Variants in TTLL11 observed in about 807,000 individuals in gnomAD.
TTLL11 encodes tubulin tyrosine ligase like 11, also known as tubulin polyglutamylase TTLL11.
TTLL11 carries 42 observed loss-of-function variants against 51.7 expected under a neutral mutation model. The observed-to-expected ratio is 0.81, with a 90% CI of 0.64 to 1.05. TTLL11 has a LOEUF of 1.05. Ranked by LOEUF, TTLL11 falls within the 50% of genes least tolerant of loss-of-function variation. TTLL11 has a pLI of 0.00. For missense variants in TTLL11, 799 were observed against 940.4 expected, an observed-to-expected ratio of 0.85 and a Z score of 1.97; for synonymous variants, 381 against 383.5, an observed-to-expected ratio of 0.99 and a Z score of 0.08.
chr9:122,083,539 C>T (rs935739596), intron 1 of TTLL11, among the ~76,000 whole-genome samples: 5 of 152,180 alleles, frequency 3.3e-5, no homozygotes, highest in Non-Finnish European at 7.4e-5. Context: ...GGGCCAGGCA[C>T]GGTGGCTCAC....
chr9:121,923,253 G>C (rs1325239636), intron 6 of TTLL11, among the ~76,000 whole-genome samples: 1 of 152,142 alleles, frequency 6.6e-6, no homozygotes, highest in African/African-American at 2.4e-5. Flanking sequence ...TATTCACTAA[G>C]ATGATTATGA....
intron 1 of TTLL11, among the ~76,000 whole-genome samples, chr9:122,041,204 C>A (rs1844836910): frequency 6.6e-6 from 1 of 152,114 alleles, no homozygotes; most frequent in Admixed American, 6.6e-5. Flanking sequence ...TTATTATATG[C>A]CAGACTAGGT....
chr9:122,091,974 G>A (rs1417349600), intron 1 of TTLL11, among the ~76,000 whole-genome samples: 2 of 152,194 alleles, frequency 1.3e-5, no homozygotes, highest in African/African-American at 4.8e-5. Flanking sequence ...TACAGTGCCT[G>A]ATTTTATACC....
At chr9:121,969,716 A>G (rs1483195089) in intron 6 of TTLL11, among the ~76,000 whole-genome samples, 1 of 152,220 alleles carries the variant, frequency 6.6e-6, no homozygotes. Flanking sequence ...ATTCTGTGCA[A>G]ACGCTAGAAA....
At chr9:121,867,410 G>C (rs1305928393) in intron 7 of TTLL11, among the ~76,000 whole-genome samples, 1 of 152,086 alleles carries the variant, frequency 6.6e-6, no homozygotes, top group Admixed American at 6.6e-5. Context: ...CTCTGTGATA[G>C]CTGATGCTTC....
chr9:122,022,324 T>C (rs1844205835), intron 3 of TTLL11, among the ~76,000 whole-genome samples: 1 of 151,738 alleles, frequency 6.6e-6, no homozygotes, highest in Non-Finnish European at 1.5e-5. Flanking sequence ...GAAAATTACA[T>C]CAAGACACAT....
At chr9:121,867,601 A>T (rs1259688776) in intron 7 of TTLL11, among the ~76,000 whole-genome samples, 1 of 152,166 alleles carries the variant, frequency 6.6e-6, no homozygotes, top group Non-Finnish European at 1.5e-5. Flanking sequence ...CTAACTTCTA[A>T]ATTTGGGCTA....
intron 1 of TTLL11, among the ~76,000 whole-genome samples, chr9:122,057,910 C>T (rs1196285867): frequency 6.6e-6 from 1 of 152,198 alleles, no homozygotes; most frequent in Non-Finnish European, 1.5e-5. Flanking sequence ...TATGCATCAA[C>T]TCAGTGTCAG....
chr9:122,067,410 A>T (rs910679882), intron 1 of TTLL11, among the ~76,000 whole-genome samples: 3 of 152,222 alleles, frequency 2.0e-5, no homozygotes, highest in Admixed American at 6.5e-5. Context: ...GGGAAGATAA[A>T]CTAAGAGTAG....
At chr9:122,053,319 C>T (rs370021310) in intron 1 of TTLL11, among the ~76,000 whole-genome samples, 1 of 152,030 alleles carries the variant, frequency 6.6e-6, no homozygotes, top group African/African-American at 2.4e-5. Flanking sequence ...TGGAGCGGGG[C>T]GTGAAGTAGG....
Position 121,851,066 on chromosome 9 carries a change from T to C in TTLL11, c.1840+9271A>G, listed in dbSNP as rs529628085. Among the ~76,000 whole-genome samples, 18 of 152,260 alleles carry C rather than the reference T, an allele frequency of 1.2e-4. 2 individuals carry two copies. In the South Asian group the frequency reaches 3.7e-3, roughly 32 times the overall value. ...GACATGGAGAAACCTTAAATGCATA[T>C]TGTTAAGTGAAAAGAGCCAGTCTGA... On this transcript the variant is annotated intron_variant, in intron 8 of 8. Coordinates refer to ENST00000321582, the MANE Select transcript of TTLL11 (RefSeq NM_001139442.2).
Position 121,822,399 on chromosome 9 carries a change from G to T in TTLL11, c.*188C>A. On this transcript the variant is annotated 3_prime_UTR_variant, in exon 9 of 9. Coordinates refer to ENST00000321582, the MANE Select transcript of TTLL11 (RefSeq NM_001139442.2). The surrounding 1 kb of genome is among the most constrained non-coding windows in gnomAD (Gnocchi z 5.8). Reference sequence around the variant, plus strand: ...AGGGTGTATCACCAGGAGGTGTGAGGAGGAAGGCAGGTGAGAACCAGCCAG... The same window carrying T: ...AGGGTGTATCACCAGGAGGTGTGAGTAGGAAGGCAGGTGAGAACCAGCCAG... 1 of 479,438 alleles carries T rather than the reference G, an allele frequency of 2.1e-6. No homozygotes were observed. The allele number at this position is 479,438 out of a possible 1,614,324, so 29.7% of individuals were successfully genotyped here. A position where few individuals can be genotyped will look rare whatever the true frequency, so the allele number is the denominator to read the frequency against.
Position 121,819,623 on chromosome 9 carries a change from C to T in TTLL11, c.*2964G>A, listed in dbSNP as rs536458672. 3.3e-5 allele frequency among the ~76,000 whole-genome samples: 5 copies of T among 152,136 alleles called. No homozygotes were observed. The highest frequency in any genetic ancestry group is 7.2e-5 in the African/African-American group (3 of 41,508). On this transcript the variant is annotated 3_prime_UTR_variant, in exon 9 of 9. Coordinates refer to ENST00000321582, the MANE Select transcript of TTLL11 (RefSeq NM_001139442.2). ...GGAGGAGCGGGAAGGGGCAAGAGAG[C>T]GGGAGGGAGAAGACGCTGGAGATGG...
At chr9:121,964,968 A>G (rs892149032) in intron 6 of TTLL11, among the ~76,000 whole-genome samples, 3 of 152,126 alleles carry the variant, frequency 2.0e-5, no homozygotes, top group Non-Finnish European at 2.9e-5. Flanking sequence ...TGCCACCCCT[A>G]CTGGCTGGCG....
In TTLL11 at chr9:122,058,944, C is replaced by T. The variant is rs530183350; in HGVS notation, c.463-19576G>A. On this transcript the variant is annotated intron_variant, in intron 1 of 8. Coordinates refer to ENST00000321582, the MANE Select transcript of TTLL11 (RefSeq NM_001139442.2). ...AGTGTGTGTCACCCTGATCAGCTGG[C>T]GTGGTCTATTAAGGCAGAGCTAGGC... Among the ~76,000 whole-genome samples, 7 of 152,128 alleles carry T rather than the reference C, an allele frequency of 4.6e-5. No homozygotes were observed. The South Asian group carries it at 8.3e-4, about 18-fold the overall frequency.
intron 8 of TTLL11, among the ~76,000 whole-genome samples, chr9:121,846,269 G>A (rs1204737289): frequency 6.6e-6 from 1 of 152,120 alleles, no homozygotes; most frequent in Non-Finnish European, 1.5e-5. Context: ...ACAATGGAGT[G>A]TCAAAATATG....
chr9:121,839,928 A>G (rs1461653503), intron 8 of TTLL11, among the ~76,000 whole-genome samples: 1 of 152,240 alleles, frequency 6.6e-6, no homozygotes, highest in Non-Finnish European at 1.5e-5. Flanking sequence ...GAGGCAGATC[A>G]GTGTCAAAAA....
chr9:121,826,217 T>TATATATATATATATATATATATATATAC (rs1491163835), intron 8 of TTLL11, among the ~76,000 whole-genome samples: 1 of 58,114 alleles, frequency 1.7e-5, no homozygotes, highest in African/African-American at 7.4e-5. Flanking sequence ...TATATATATA[T>TATATATATATATATATATATATATATAC]GCACACATAT....
intron 2 of TTLL11, 28 bp downstream of exon 2, chr9:122,039,244 T>C: frequency 6.3e-7 from 1 of 1,593,360 alleles, no homozygotes; most frequent in South Asian, 1.1e-5. Flanking sequence ...TAGAAACATG[T>C]TTAAATGTCA....
Sources: allele counts gnomAD v4.1 joint callset (sites outside exome capture counted in the v4.1 genomes callset), GRCh38; gene constraint gnomAD v4.1.1; non-coding constraint Gnocchi (gnomAD v3.1); transcripts MANE v1.5; gene names NCBI Gene and HGNC (gene_info 2026-07-23, HGNC 2026-07-21).